The following ZNF282 variants were observed in gnomAD, a reference collection of about 807,000 sequenced individuals.
The protein encoded by ZNF282 is zinc finger protein 282, also known as HTLV-I U5 repressive element-binding protein 1.
Under a neutral mutation model 61.9 loss-of-function variants are expected in ZNF282, and 30 were observed. The ratio of observed to expected loss-of-function variants is 0.48; its 90% CI spans 0.36 to 0.66. The LOEUF is 0.66. ZNF282 is among the 30% of genes least tolerant of loss of function. The pLI is 0.00. For missense variants in ZNF282, 788 were observed against 941.4 expected (o/e 0.84, Z 2.13); for synonymous variants, 396 against 405.0 (o/e 0.98, Z 0.27).
chr7:149,224,064 ATGGGGGCGG>A lies in ZNF282; in HGVS notation c.1443_1451del (p.Gly483_Gly485del), dbSNP rs1370712896. 7.4e-6 allele frequency: 7 copies of A among 942,464 alleles called. No homozygotes were observed. The highest frequency in any genetic ancestry group is 4.2e-5 in the East Asian group (1 of 23,616). The allele number at this position is 942,464 out of a possible 1,614,324, so 58.4% of individuals were successfully genotyped here. On this transcript the variant is annotated inframe_deletion, in exon 8 of 8. Coordinates refer to ENST00000610704, the MANE Select transcript of ZNF282 (RefSeq NM_003575.4). ...CGCAGCACCGGGGGCGGCGGGGGCG[ATGGGGGCGG>A]TGGGGGCGGCGGCGCGGAGGCGGGG...
intron 7 of ZNF282, among the ~76,000 whole-genome samples, chr7:149,215,615 A>T (rs1796151029): frequency 6.6e-6 from 1 of 152,210 alleles, no homozygotes; most frequent in South Asian, 2.1e-4. Flanking sequence ...CTATAAGACA[A>T]CTTAGTTCTA....
intron 7 of ZNF282, among the ~76,000 whole-genome samples, chr7:149,220,831 G>T (rs1796234402): frequency 6.6e-6 from 1 of 152,110 alleles, no homozygotes. Flanking sequence ...AGAGGAGGAA[G>T]GATGACGTAA....
Position 149,195,564 on chromosome 7 carries a change from C to T in ZNF282, c.-26C>T. On this transcript the variant is annotated 5_prime_UTR_variant, in exon 1 of 8. Transcript: ENST00000610704. ...AAACGTTCTTCTTCTCCCTGGCCGACCCGAGCGGGGAACAGCACTCCCAGG... is the reference window on the plus strand; with the variant it reads ...AAACGTTCTTCTTCTCCCTGGCCGATCCGAGCGGGGAACAGCACTCCCAGG... 2.5e-6 allele frequency: 4 copies of T among 1,606,160 alleles called. No individual in the cohort carries two copies. Among genetic ancestry groups the T allele is most frequent in the Non-Finnish European group, 3.4e-6 (4 of 1,176,996 alleles).
Position 149,224,165 on chromosome 7 carries a change from G to A in ZNF282, c.1534G>A (p.Gly512Ser), listed in dbSNP as rs1176758547. The A allele has an allele frequency of 6.3e-7, 1 of 1,578,680 alleles. No individual in the cohort carries two copies. Among genetic ancestry groups the A allele is most frequent in the Non-Finnish European group, 8.6e-7 (1 of 1,168,572 alleles). Reference sequence around the variant, plus strand: ...GCTGCGGCGGAGCCTCCTCCTGCACGGCGCCCGCAGCAAGCCCTACTCGTG... The same window carrying A: ...GCTGCGGCGGAGCCTCCTCCTGCACAGCGCCCGCAGCAAGCCCTACTCGTG... ...GGLRRSLLLH[G>S]ARSKPYSCPE... is the part of the protein sequence containing the mutation. Residue 512 changes from glycine to serine, a missense_variant, in exon 8 of 8, where the codon GGC becomes AGC. This residue lies in a region of ZNF282 where 559 missense variants were observed against 642.0 expected (regional missense o/e 0.87). Transcript: ENST00000610704.
At chr7:149,215,839 G>A (rs368684465) in intron 7 of ZNF282, among the ~76,000 whole-genome samples, 1 of 152,142 alleles carries the variant, frequency 6.6e-6, no homozygotes, top group African/African-American at 2.4e-5. Context: ...GCCCTGGCCC[G>A]AAGGCATAGG....
intron 7 of ZNF282, among the ~76,000 whole-genome samples, chr7:149,219,298 A>C (rs754109049): frequency 2.0e-5 from 3 of 152,210 alleles, no homozygotes; most frequent in Non-Finnish European, 4.4e-5. Context: ...CCAGGGACAA[A>C]GGCCAGTCAA....
chr7:149,196,784 G>A (rs1232770935), intron 1 of ZNF282, among the ~76,000 whole-genome samples: 1 of 152,132 alleles, frequency 6.6e-6, no homozygotes, highest in Non-Finnish European at 1.5e-5. Flanking sequence ...GGGTGCTTTT[G>A]ATGGAAACAC....
chr7:149,224,657 G>T lies in ZNF282; in HGVS notation c.*10G>T, dbSNP rs747843498. 2.7e-6 allele frequency: 4 copies of T among 1,500,018 alleles called. No homozygotes were observed. The highest frequency in any genetic ancestry group is 3.5e-6 in the Non-Finnish European group (4 of 1,127,980). The allele number at this position is 1,500,018 out of a possible 1,614,324, so 92.9% of individuals were successfully genotyped here. A position where few individuals can be genotyped will look rare whatever the true frequency, so the allele number is the denominator to read the frequency against. On this transcript the variant is annotated 3_prime_UTR_variant, in exon 8 of 8. Transcript: ENST00000610704. ...TCCTGAGCGAGACTAGGGCTGGGCT[G>T]GGGGAGGGCAGGGCCGGACGGAGTG... is the stretch of plus-strand genomic sequence containing the variant.
At position 149,206,723 on chromosome 7, in the gene ZNF282, G is replaced by C. The variant is rs1451540712; in HGVS notation, c.613G>C (p.Val205Leu). The C allele has an allele frequency of 6.2e-7, 1 of 1,614,208 alleles. No individual in the cohort carries two copies. Among genetic ancestry groups the C allele is most frequent in the South Asian group, 1.1e-5 (1 of 91,086 alleles). ...TCCAGTGACTTTTGTCGACATTGCT[G>C]TGTACTTCTCCGAAGACGAGTGGAA... is the stretch of plus-strand genomic sequence containing the variant. ...KVPVTFVDIA[V>L]YFSEDEWKNL... is the part of the protein sequence containing the mutation. The change falls in exon 3 of 8, where the codon GTG (valine) becomes CTG (leucine). Residue 205 changes from valine to leucine, a missense_variant. Physicochemically the swap from Val to Leu is conservative, Grantham distance 32. Coordinates refer to ENST00000610704, the MANE Select transcript of ZNF282 (RefSeq NM_003575.4).
chr7:149,196,110 G>T (rs1795812649), intron 1 of ZNF282, among the ~76,000 whole-genome samples: 1 of 152,128 alleles, frequency 6.6e-6, no homozygotes, highest in African/African-American at 2.4e-5. Context: ...CCCGGCCGGC[G>T]GAGAGCTTCG....
chr7:149,195,749 AT>A lies in ZNF282; in HGVS notation c.161del (p.Met54SerfsTer32). The A allele has an allele frequency of 6.6e-7, 1 of 1,518,214 alleles. No individual in the cohort carries two copies. Among genetic ancestry groups the A allele is most frequent in the Non-Finnish European group, 8.8e-7 (1 of 1,134,150 alleles). The allele number at this position is 1,518,214 out of a possible 1,614,324, so 94.0% of individuals were successfully genotyped here. On this transcript the variant is annotated frameshift_variant, in exon 1 of 8. Transcript: ENST00000610704. LOFTEE classifies it high-confidence loss of function. The stretch of plus-strand genomic sequence containing the variant: ...GGAAATGGCCGAGGGAATGCCGCCC[AT>A]GCAGGTGGGAGAACCCCGCCGGCGC... ...RGEMAEGMPPMQAQEWDMDAR... is the reference protein window; with the variant it reads ...RGEMAEGMPPXQAQEWDMDAR...
chr7:149,212,562 A>G (rs1585569591), intron 6 of ZNF282, 91 bp downstream of exon 6: 1 of 1,056,290 alleles, frequency 9.5e-7, no homozygotes, highest in Non-Finnish European at 1.4e-6. Context: ...TATGCAGCTG[A>G]TACTAAAATT....
Position 149,207,463 on chromosome 7 carries a change from C to G in ZNF282, c.825C>G (p.Pro275=). The change falls in exon 4 of 8, where the codon CCC becomes CCG. Residue 275 remains proline, a synonymous_variant. Transcript: ENST00000610704. ...AAGAGAGAGAAATCCCAATGGATCC[C>G]GAAGCAGGTGATGGCAGCAGAAGAG... ...HPEEREIPMD[P]EAGAEPLVPA... is the part of the protein sequence containing the mutation. 1 of 1,560,490 alleles carries G rather than the reference C, an allele frequency of 6.4e-7. No individual in the cohort carries two copies. The highest frequency in any genetic ancestry group is 8.7e-7 in the Non-Finnish European group (1 of 1,151,422).
rs779007095 is a variant in ZNF282 at position 149,224,687 on chromosome 7, G to A, written c.*40G>A. The A allele has an allele frequency of 4.8e-6, 7 of 1,453,106 alleles. No homozygotes were observed. The highest frequency in any genetic ancestry group is 6.3e-6 in the Non-Finnish European group (7 of 1,107,036). 90.0% of individuals were successfully genotyped at this position (1,453,106 alleles called of 1,614,324 possible). ...AGGGCAGGGCCGGACGGAGTGGATCGGGGGCGGCCTGAGCACCAACCACCT... is the reference window on the plus strand; with the variant it reads ...AGGGCAGGGCCGGACGGAGTGGATCAGGGGCGGCCTGAGCACCAACCACCT... On this transcript the variant is annotated 3_prime_UTR_variant, in exon 8 of 8. Coordinates refer to ENST00000610704, the MANE Select transcript of ZNF282 (RefSeq NM_003575.4).
intron 7 of ZNF282, among the ~76,000 whole-genome samples, chr7:149,215,609 A>G (rs926516828): frequency 3.9e-5 from 6 of 152,180 alleles, no homozygotes; most frequent in Admixed American, 3.9e-4. Context: ...CACTCTCTAT[A>G]AGACAACTTA....
At chr7:149,219,907 A>G (rs766508373) in intron 7 of ZNF282, among the ~76,000 whole-genome samples, 25 of 152,140 alleles carry the variant, frequency 1.6e-4, no homozygotes, top group Non-Finnish European at 2.6e-4. Context: ...AATCATCTAA[A>G]AAGAATGGGA....
Position 149,198,563 on chromosome 7 carries a change from G to A in ZNF282, c.396G>A (p.Lys132=), listed in dbSNP as rs749508582. 5 of 1,614,132 alleles carry A rather than the reference G, an allele frequency of 3.1e-6. No homozygotes were observed. The highest frequency in any genetic ancestry group is 2.7e-5 in the African/African-American group (2 of 74,950). Reference sequence around the variant, plus strand: ...GGCGCACGGGGACAGCCGAGAAGAAGCTGGCCGACTGTGAAAAGACGGCCG... The same window carrying A: ...GGCGCACGGGGACAGCCGAGAAGAAACTGGCCGACTGTGAAAAGACGGCCG... The part of the protein sequence containing the change: ...LEGRTGTAEK[K]LADCEKTAVE... Residue 132 remains lysine, a synonymous_variant, in exon 2 of 8, where the codon AAG becomes AAA. Transcript: ENST00000610704. The surrounding 1 kb of genome is among the most constrained non-coding windows in gnomAD (Gnocchi z 4.3).
chr7:149,217,288 G>A (rs1454815988), intron 7 of ZNF282, among the ~76,000 whole-genome samples: 1 of 152,194 alleles, frequency 6.6e-6, no homozygotes, highest in African/African-American at 2.4e-5. Flanking sequence ...TGTAATCCCG[G>A]CACTTTGGGA....
Position 149,224,810 on chromosome 7 carries a change from TG to T in ZNF282, c.*165del. ...GGGGCAGGGATCCCCCAGATCTGTCTGGTCTGAATGGACGCCCAGCTCATCT... is the reference window on the plus strand; with the variant it reads ...GGGGCAGGGATCCCCCAGATCTGTCTGTCTGAATGGACGCCCAGCTCATCT... On this transcript the variant is annotated 3_prime_UTR_variant, in exon 8 of 8. Transcript: ENST00000610704. 8.0e-7 allele frequency: 1 copy of T among 1,252,726 alleles called. No individual in the cohort carries two copies. The highest frequency in any genetic ancestry group is 1.1e-6 in the Non-Finnish European group (1 of 935,124). 77.6% of individuals were successfully genotyped at this position (1,252,726 alleles called of 1,614,324 possible). A position where few individuals can be genotyped will look rare whatever the true frequency, so the allele number is the denominator to read the frequency against.
Sources: gnomAD v4.1 joint callset for allele counts (sites outside exome capture counted in the v4.1 genomes callset) on GRCh38, gnomAD v4.1.1 for gene constraint, gnomAD v4.1.1 regional missense constraint, Gnocchi (gnomAD v3.1) non-coding constraint, MANE v1.5 for transcripts, NCBI Gene and HGNC (gene_info 2026-07-23, HGNC 2026-07-21) for gene names.